The following HDAC7 variants were observed in gnomAD, a reference collection of about 807,000 sequenced individuals.
The protein encoded by HDAC7 is histone deacetylase 7A.
Under a neutral mutation model 115.5 loss-of-function variants are expected in HDAC7, and 26 were observed. The observed-to-expected ratio is 0.23, with a 90% CI of 0.16 to 0.31. The LOEUF is 0.31. Among genes scored for constraint, HDAC7 ranks in the 10% least tolerant of loss-of-function variants. The probability of loss-of-function intolerance (pLI) is 1.00; values close to 1 mark genes in which losing one functional copy is unlikely to be tolerated. For missense variants in HDAC7, 1,068 were observed against 1,329.0 expected, an observed-to-expected ratio of 0.80 and a Z score of 3.05; for synonymous variants, 564 against 550.9, an observed-to-expected ratio of 1.02 and a Z score of -0.33.
Position 47,793,609 on chromosome 12 carries a change from T to G in HDAC7, c.1459-21A>C. The G allele has an allele frequency of 2.0e-6, 3 of 1,512,010 alleles. No homozygotes were observed. The highest frequency in any genetic ancestry group is 2.7e-6 in the Non-Finnish European group (3 of 1,122,300). The allele number at this position is 1,512,010 out of a possible 1,614,324, so 93.7% of individuals were successfully genotyped here. A position where few individuals can be genotyped will look rare whatever the true frequency, so the allele number is the denominator to read the frequency against. ...AACACCTAGGGGAAAGATGGGGCCT[T>G]GGTCTCCAGTGTTTCAGGGTCCTGC... On this transcript the variant is annotated intron_variant, in intron 12 of 25. Transcript: ENST00000080059. This position sits in a 1 kb window ranked among gnomAD's most constrained non-coding sequence, Gnocchi z 4.5.
chr12:47,796,136 A>G lies in HDAC7; in HGVS notation c.795+71T>C, dbSNP rs1943824578. ...CAGACCCTGCAGCCCCAGCCCAGGT[A>G]GGGCCGCCTGCTGGAAGAAGGCTGA... On this transcript the variant is annotated intron_variant, in intron 8 of 25. Transcript: ENST00000080059. The G allele has an allele frequency of 4.6e-6, 7 of 1,527,700 alleles. No individual in the cohort carries two copies. The South Asian group carries it at 8.3e-5, about 18-fold the overall frequency. 94.6% of individuals were successfully genotyped at this position (1,527,700 alleles called of 1,614,324 possible).
Position 47,785,732 on chromosome 12 carries a change from G to C in HDAC7, c.2706+20C>G, listed in dbSNP as rs775468223. On this transcript the variant is annotated intron_variant, in intron 23 of 25. Coordinates refer to ENST00000080059, the MANE Select transcript of HDAC7 (RefSeq NM_015401.5). ...TTACCTGCCTGACAGAAGCATGGAT[G>C]GGGGAGGGAGACGGCTCACCCTGTT... The C allele has an allele frequency of 5.6e-6, 9 of 1,597,078 alleles. No homozygotes were observed. The highest frequency in any genetic ancestry group is 1.7e-5 in the Admixed American group (1 of 57,752).
intron 16 of HDAC7, chr12:47,790,161 G>A: frequency 1.9e-6 from 1 of 531,856 alleles, no homozygotes. Flanking sequence ...TCTGCTGGCA[G>A]CATCACGCCT....
rs1393199099 is a variant in HDAC7, at chr12:47,798,386, C to A, written c.350-167G>T. Among the ~76,000 whole-genome samples, 2 of 151,986 alleles carry A rather than the reference C, an allele frequency of 1.3e-5. No homozygotes were observed. The highest frequency in any genetic ancestry group is 1.9e-4 in the East Asian group (1 of 5,174). ...CCTCCCTAGAGCCTCCAGACACCAC[C>A]CCCCACCCCCACATCCCCCACACAT... On this transcript the variant is annotated intron_variant, in intron 4 of 25. Transcript: ENST00000080059. This position sits in a 1 kb window ranked among gnomAD's most constrained non-coding sequence, Gnocchi z 4.3.
chr12:47,796,552 T>G (rs952920145), intron 7 of HDAC7, among the ~76,000 whole-genome samples: 1 of 151,566 alleles, frequency 6.6e-6, no homozygotes, highest in Non-Finnish European at 1.5e-5. Context: ...GCCTCCCAAG[T>G]AGCTGGGACT....
chr12:47,783,724 T>C lies in HDAC7; in HGVS notation c.*117A>G. 1 of 1,011,590 alleles carries C rather than the reference T, an allele frequency of 9.9e-7. No individual in the cohort carries two copies. Among genetic ancestry groups the C allele is most frequent in the East Asian group, 2.5e-5 (1 of 39,636 alleles). The allele number at this position is 1,011,590 out of a possible 1,614,324, so 62.7% of individuals were successfully genotyped here. On this transcript the variant is annotated 3_prime_UTR_variant, in exon 26 of 26. Coordinates refer to ENST00000080059, the MANE Select transcript of HDAC7 (RefSeq NM_015401.5). ...CTGTCAAAGCAGGCAGGCTGTTCTC[T>C]GGTTCCAACTACTTGCCCACAGGAT...
At chr12:47,802,354 G>T in intron 1 of HDAC7, 80 bp from the exon 2 acceptor site, 3 of 1,534,888 alleles carry the variant, frequency 2.0e-6, no homozygotes, top group Non-Finnish European at 2.7e-6. Flanking sequence ...GTCAAGCCAG[G>T]CCTGCTCCCT....
rs567106711 is a variant in HDAC7, at chr12:47,783,590, A to G, written c.*251T>C. On this transcript the variant is annotated 3_prime_UTR_variant, in exon 26 of 26. Transcript: ENST00000080059. ...AGCCAGGGCCCATACTGGAGGGGAGAATCTGTTCTCGAGAGCCCTGTGGGG... is the reference window on the plus strand; with the variant it reads ...AGCCAGGGCCCATACTGGAGGGGAGGATCTGTTCTCGAGAGCCCTGTGGGG... 1.6e-4 allele frequency: 84 copies of G among 538,152 alleles called. No individual in the cohort carries two copies. The highest frequency in any genetic ancestry group is 1.5e-3 in the African/African-American group (79 of 52,464). The allele number at this position is 538,152 out of a possible 1,614,324, so 33.3% of individuals were successfully genotyped here.
intron 1 of HDAC7, 112 bp from the exon 2 acceptor site, chr12:47,802,386 C>G (rs1360152286): frequency 6.5e-7 from 1 of 1,538,572 alleles, no homozygotes; most frequent in South Asian, 1.2e-5. Flanking sequence ...CTTGAGCACG[C>G]CAAAGCCTGG....
At chr12:47,817,099 A>C (rs934959866) in intron 1 of HDAC7, among the ~76,000 whole-genome samples, 20 of 152,168 alleles carry the variant, frequency 1.3e-4, no homozygotes, top group Non-Finnish European at 7.4e-5. Flanking sequence ...CCACAGAAAC[A>C]GGGGGAAAAT....
chr12:47,790,184 A>G, intron 16 of HDAC7: 1 of 478,252 alleles, frequency 2.1e-6, no homozygotes, highest in Non-Finnish European at 3.9e-6. Flanking sequence ...CTCCCCGGTC[A>G]GGGGAGGGGG....
At chr12:47,794,705 A>G in intron 12 of HDAC7, 55 bp downstream of exon 12, 1 of 1,470,742 alleles carries the variant, frequency 6.8e-7, no homozygotes. Flanking sequence ...ATCTTATGCC[A>G]GGCCCCAGAG....
In HDAC7 at chr12:47,785,464, G is replaced by C; in HGVS notation, c.2714C>G (p.Pro905Arg). Residue 905 changes from proline (P) to arginine (R), a missense_variant, in exon 24 of 26, where the codon CCC (proline) becomes CGC (arginine). Pro to Arg is a moderately radical substitution (Grantham distance 103). Transcript: ENST00000080059. ...VAALLGNRVD[P>R]LSEEGWKQKP... ...CTGTTTCCAGCCTTCTTCTGAAAGG[G>C]GATCCACCTATAGAAAACAGTACAT... 1 of 1,612,192 alleles carries C rather than the reference G, an allele frequency of 6.2e-7. No homozygotes were observed.
At position 47,791,997 on chromosome 12, in the gene HDAC7, G is replaced by A. The variant is rs1156315836; in HGVS notation, c.1686C>T (p.Ile562=). Reference sequence around the variant, plus strand: ...GGTGCTTCAGCATGACCGAGTCATAGATCAGCCCTGCAGGAGCAAGGGTCA... The same window carrying A: ...GGTGCTTCAGCATGACCGAGTCATAAATCAGCCCTGCAGGAGCAAGGGTCA... ...ARTLPFTTGL[I]YDSVMLKHQC... The change falls in exon 14 of 26, where the codon ATC becomes ATT. Residue 562 remains isoleucine, a synonymous_variant. Transcript: ENST00000080059. The A allele has an allele frequency of 1.2e-6, 2 of 1,607,776 alleles. No individual in the cohort carries two copies. Among genetic ancestry groups the A allele is most frequent in the Non-Finnish European group, 1.7e-6 (2 of 1,176,332 alleles).
rs368266528 is a variant in HDAC7, at chr12:47,791,242, C to A, written c.1983+17G>T. On this transcript the variant is annotated intron_variant, in intron 16 of 25. Coordinates refer to ENST00000080059, the MANE Select transcript of HDAC7 (RefSeq NM_015401.5). ...GAGCCCTGGCAACGCCCCCCTGAGA[C>A]CCCTGGGCACACTTACCCCAACCCC... 8.2e-6 allele frequency: 13 copies of A among 1,592,708 alleles called. No homozygotes were observed. Among genetic ancestry groups the A allele is most frequent in the South Asian group, 1.1e-5 (1 of 87,732 alleles).
In HDAC7 at chr12:47,784,284, G is replaced by A. The variant is rs1044457684; in HGVS notation, c.2792-67C>T. 51 of 1,488,918 alleles carry A rather than the reference G, an allele frequency of 3.4e-5. No individual in the cohort carries two copies. In the Admixed American group the frequency reaches 3.8e-4, roughly 11 times the overall value. 92.2% of individuals were successfully genotyped at this position (1,488,918 alleles called of 1,614,324 possible). On this transcript the variant is annotated intron_variant, in intron 24 of 25. Transcript: ENST00000080059. ...GCCCCTCCACACTGCGTCCTAGACC[G>A]GATATTGAGGTTGGTGTCTCAGGCC...
At chr12:47,794,666 C>G (rs1943707526) in intron 12 of HDAC7, 94 bp downstream of exon 12, 1 of 1,295,176 alleles carries the variant, frequency 7.7e-7, no homozygotes, top group Admixed American at 2.9e-5. Context: ...CTGCCTGTTG[C>G]ACTGATGTCG....
intron 1 of HDAC7, chr12:47,813,396 T>G (rs2137065509): frequency 6.6e-6 from 1 of 152,562 alleles, no homozygotes; most frequent in African/African-American, 2.4e-5. Context: ...ACTGCCCTGC[T>G]CCTCCTGCCA....
chr12:47,816,752 G>A lies in HDAC7; in HGVS notation c.19+3015C>T, dbSNP rs548104681. ...CATGCTACCCACCTCTCCCTTGTAG[G>A]AGGAGGGAGACTGGAGGAGGGCAGT... is the stretch of plus-strand genomic sequence containing the variant. On this transcript the variant is annotated intron_variant, in intron 1 of 25. Transcript: ENST00000080059. Among the ~76,000 whole-genome samples, 263 of 152,314 alleles carry A rather than the reference G, an allele frequency of 1.7e-3. 1 individual carries two copies. The highest frequency in any genetic ancestry group is 6.8e-3 in the Middle Eastern group (2 of 294).
Sources: allele counts gnomAD v4.1 joint callset (sites outside exome capture counted in the v4.1 genomes callset), GRCh38; gene constraint gnomAD v4.1.1; non-coding constraint Gnocchi (gnomAD v3.1); transcripts MANE v1.5; gene names NCBI Gene and HGNC (gene_info 2026-07-23, HGNC 2026-07-21).